The following TBX18 variants were observed in gnomAD, a reference collection of about 807,000 sequenced individuals.
TBX18 encodes T-box transcription factor TBX18.
A neutral mutation model predicts 55.0 loss-of-function variants in TBX18; 21 were observed. That is an observed-to-expected ratio of 0.38 (90% confidence interval 0.27 to 0.55). The LOEUF is 0.55. Ranked by LOEUF, TBX18 falls within the 20% of genes least tolerant of loss-of-function variation. TBX18 has a pLI of 0.73. For missense variants in TBX18, 840 were observed against 799.6 expected (o/e 1.05, Z -0.61); for synonymous variants, 342 against 326.1 (o/e 1.05, Z -0.53).
intron 2 of TBX18, among the ~76,000 whole-genome samples, chr6:84,760,734 G>A (rs1283336124): frequency 2.0e-5 from 3 of 152,182 alleles, no homozygotes; most frequent in African/African-American, 7.2e-5. Flanking sequence ...TACAAAATTT[G>A]GATCTCTGAA....
chr6:84,757,990 G>A (rs1337455478), intron 3 of TBX18, among the ~76,000 whole-genome samples: 2 of 152,162 alleles, frequency 1.3e-5, no homozygotes, highest in African/African-American at 2.4e-5. Flanking sequence ...GAACGTCTCT[G>A]ATGAGGCCCT....
rs61733446 is a variant in TBX18, at chr6:84,737,307, T to C, written c.1202A>G (p.His401Arg). The change falls in exon 8 of 8, where the codon CAT (histidine) becomes CGT (arginine). Residue 401 changes from histidine to arginine, a missense_variant. Transcript: ENST00000369663. ...SGSSCSSPAFHLGPNTSQLCS... is the reference protein window; with the variant it reads ...SGSSCSSPAFRLGPNTSQLCS... ...CAGCTGGCTGGTGTTGGGCCCCAGA[T>C]GGAAGGCAGGAGAGGAGCAAGAGGA... 4.4e-5 allele frequency: 70 copies of C among 1,605,080 alleles called. No homozygotes were observed. In the African/African-American group the frequency reaches 5.5e-4, roughly 13 times the overall value.
chr6:84,752,625 G>A (rs900201898), intron 4 of TBX18, among the ~76,000 whole-genome samples: 1 of 152,144 alleles, frequency 6.6e-6, no homozygotes, highest in African/African-American at 2.4e-5. Context: ...AACCCTCAGA[G>A]AATGAAAGTG....
intron 4 of TBX18, 43 bp downstream of exon 4, chr6:84,756,655 G>A (rs1767496264): frequency 6.5e-7 from 1 of 1,538,508 alleles, no homozygotes; most frequent in Non-Finnish European, 8.9e-7. Flanking sequence ...GTGTAGATGT[G>A]GCTGTGCCAT....
At chr6:84,755,423 A>G (rs1224204222) in intron 4 of TBX18, among the ~76,000 whole-genome samples, 4 of 152,224 alleles carry the variant, frequency 2.6e-5, no homozygotes, top group Non-Finnish European at 1.5e-5. Context: ...AAAGTCCTTC[A>G]ATGAATGTGC....
intron 3 of TBX18, among the ~76,000 whole-genome samples, chr6:84,758,407 C>CA (rs1217785377): frequency 1.8e-3 from 154 of 86,002 alleles, no homozygotes; most frequent in East Asian, 2.3e-3. Context: ...GACTCCATCT[C>CA]AAAAAAAAAA....
rs1166387809 is a variant in TBX18 at position 84,736,712 on chromosome 6, T to C, written c.1797A>G (p.Ser599=). 58 of 1,585,176 alleles carry C rather than the reference T, an allele frequency of 3.7e-5. No homozygotes were observed. The highest frequency in any genetic ancestry group is 5.0e-5 in the Non-Finnish European group (58 of 1,168,964). ...AGACCATATGTGCAGATACTTGAGA[T>C]GATGACAGAGTTAAGCTTCCTAGGG... The part of the protein sequence containing the change: ...SRTLGSLTLS[S]SQVSAHMV The change falls in exon 8 of 8, where the codon TCA becomes TCG. Residue 599 remains serine (S), a synonymous_variant. Coordinates refer to ENST00000369663, the MANE Select transcript of TBX18 (RefSeq NM_001080508.3).
intron 6 of TBX18, among the ~76,000 whole-genome samples, chr6:84,740,190 C>T (rs1235876010): frequency 6.6e-6 from 1 of 152,162 alleles, no homozygotes; most frequent in Non-Finnish European, 1.5e-5. Context: ...GCACCTGCTC[C>T]ACCTGGCCTA....
At chr6:84,747,019 C>T (rs1767214720) in intron 5 of TBX18, among the ~76,000 whole-genome samples, 1 of 151,940 alleles carries the variant, frequency 6.6e-6, no homozygotes, top group Admixed American at 6.6e-5. Context: ...AGCTATTGAG[C>T]CTCTCAGCCC....
chr6:84,761,741 G>C (rs760046326), intron 2 of TBX18, among the ~76,000 whole-genome samples: 6 of 152,120 alleles, frequency 3.9e-5, no homozygotes, highest in Non-Finnish European at 8.8e-5. Context: ...AAATTAATAT[G>C]ATCTGCCCAA....
chr6:84,762,849 C>T, intron 1 of TBX18, 101 bp from the exon 2 acceptor site: 2 of 1,172,318 alleles, frequency 1.7e-6, no homozygotes, highest in East Asian at 2.6e-5. Flanking sequence ...GGAAAATGAC[C>T]GGGAGAAAAG....
At chr6:84,763,598 G>T in intron 1 of TBX18, 1 of 638,164 alleles carries the variant, frequency 1.6e-6, no homozygotes, top group Non-Finnish European at 2.8e-6. Context: ...CCCCAAGGGA[G>T]GCAGATGCAG....
intron 3 of TBX18, among the ~76,000 whole-genome samples, chr6:84,757,720 G>A (rs1239087233): frequency 6.6e-6 from 1 of 151,644 alleles, no homozygotes; most frequent in Non-Finnish European, 1.5e-5. Flanking sequence ...GAATAACAAT[G>A]CCTCAAGTAA....
chr6:84,753,963 T>C (rs1043958648), intron 4 of TBX18, among the ~76,000 whole-genome samples: 3 of 152,320 alleles, frequency 2.0e-5, no homozygotes, highest in Admixed American at 6.5e-5. Context: ...AGTCTCACTC[T>C]GTCACCTGGG....
rs1040682988 is a variant in TBX18, at chr6:84,752,618, C to G, written c.771+4080G>C. The stretch of plus-strand genomic sequence containing the variant: ...AATATAACCCATGAGAAAAATCAAC[C>G]CTCAGAGAATGAAAGTGACTTGCCA... On this transcript the variant is annotated intron_variant, in intron 4 of 7. Transcript: ENST00000369663. Among the ~76,000 whole-genome samples the G allele has an allele frequency of 2.4e-4, 37 of 152,130 alleles. 1 individual carries two copies. The highest frequency in any genetic ancestry group is 2.9e-5 in the Non-Finnish European group (2 of 68,012).
intron 6 of TBX18, among the ~76,000 whole-genome samples, chr6:84,740,799 A>G (rs1166794502): frequency 1.3e-5 from 2 of 152,246 alleles, no homozygotes; most frequent in Non-Finnish European, 2.9e-5. Context: ...TAAAAATACT[A>G]AAGTGATTAT....
Position 84,734,409 on chromosome 6 carries a change from A to AC in TBX18, c.*2275dup, listed in dbSNP as rs1184074217. Reference sequence around the variant, plus strand: ...CTTATTCTTGGATCAATATTTTTAGACATTAAAATGATTACCCTCCAAAAT... The same window carrying AC: ...CTTATTCTTGGATCAATATTTTTAGACCATTAAAATGATTACCCTCCAAAAT... On this transcript the variant is annotated 3_prime_UTR_variant, in exon 8 of 8. Coordinates refer to ENST00000369663, the MANE Select transcript of TBX18 (RefSeq NM_001080508.3). 6.6e-6 allele frequency: 1 copy of AC among 152,188 alleles called. No individual in the cohort carries two copies. Among genetic ancestry groups the AC allele is most frequent in the African/African-American group, 2.4e-5 (1 of 41,426 alleles). 9.4% of individuals were successfully genotyped at this position (152,188 alleles called of 1,614,324 possible). A position where few individuals can be genotyped will look rare whatever the true frequency, so the allele number is the denominator to read the frequency against.
chr6:84,764,582 C>G lies in TBX18; in HGVS notation c.-401G>C, dbSNP rs1276339879. ...TTGTTGCCTTGATCTGTCAGCACTT[C>G]CAGGCAGGAGAGCGGTGGGAAGAAC... On this transcript the variant is annotated 5_prime_UTR_variant, in exon 1 of 8. Coordinates refer to ENST00000369663, the MANE Select transcript of TBX18 (RefSeq NM_001080508.3). The G allele has an allele frequency of 5.9e-6, 1 of 168,170 alleles. No individual in the cohort carries two copies. Among genetic ancestry groups the G allele is most frequent in the African/African-American group, 2.4e-5 (1 of 42,196 alleles). The allele number at this position is 168,170 out of a possible 1,614,324, so 10.4% of individuals were successfully genotyped here.
chr6:84,748,546 T>G (rs1259703833), intron 4 of TBX18, among the ~76,000 whole-genome samples: 1 of 152,186 alleles, frequency 6.6e-6, no homozygotes, highest in Non-Finnish European at 1.5e-5. Flanking sequence ...TGACTACATA[T>G]GTCTATTCAA....
Sources: gnomAD v4.1 joint callset for allele counts (sites outside exome capture counted in the v4.1 genomes callset) on GRCh38, gnomAD v4.1.1 for gene constraint, MANE v1.5 for transcripts, NCBI Gene and HGNC (gene_info 2026-07-23, HGNC 2026-07-21) for gene names.